Variants in C10orf67 observed in about 807,000 individuals in gnomAD.
The protein encoded by C10orf67 is uncharacterized protein C10orf67, mitochondrial.
A neutral mutation model predicts 35.6 loss-of-function variants in C10orf67; 60 were observed. The ratio of observed to expected loss-of-function variants is 1.68; its 90% CI spans 1.37 to 2.09. The LOEUF is 2.09. C10orf67 is among the 30% of genes most tolerant of loss of function. The probability of loss-of-function intolerance (pLI) is 0.00; values close to 1 mark genes in which losing one functional copy is unlikely to be tolerated. For synonymous variants in C10orf67, 167 were observed against 115.8 expected, an observed-to-expected ratio of 1.44 and a Z score of -2.84; for missense variants, 474 against 330.2, an observed-to-expected ratio of 1.44 and a Z score of -3.38.
chr10:23,344,763 G>A lies in C10orf67; in HGVS notation c.12C>T (p.Val4=). 2 of 1,562,804 alleles carry A rather than the reference G, an allele frequency of 1.3e-6. No homozygotes were observed. Among genetic ancestry groups the A allele is most frequent in the Non-Finnish European group, 8.7e-7 (1 of 1,153,808 alleles). ...TGACATAATGAGCCCTGCGATCCCGGACCAAGGCCATCATAAGAGGAGAGC... is the reference window on the plus strand; with the variant it reads ...TGACATAATGAGCCCTGCGATCCCGAACCAAGGCCATCATAAGAGGAGAGC... The part of the protein sequence containing the change: MAL[V]RDRRAHYVMS... Residue 4 remains valine (V), a synonymous_variant, in exon 1 of 16, where the codon GTC becomes GTT. Coordinates refer to ENST00000636213, the MANE Select transcript of C10orf67 (RefSeq NM_001371909.1).
At chr10:23,299,318 G>T (rs895879422) in intron 5 of C10orf67, among the ~76,000 whole-genome samples, 2 of 152,078 alleles carry the variant, frequency 1.3e-5, no homozygotes, top group South Asian at 2.1e-4. Flanking sequence ...GTCTAAGGGG[G>T]TACTGCCTTT....
At chr10:23,315,757 A>G (rs1309915481) in intron 4 of C10orf67, among the ~76,000 whole-genome samples, 1 of 152,146 alleles carries the variant, frequency 6.6e-6, no homozygotes, top group African/African-American at 2.4e-5. Flanking sequence ...AAAAACCACG[A>G]AATTCTGACT....
chr10:23,235,300 A>G (rs1842020404), intron 13 of C10orf67, among the ~76,000 whole-genome samples: 1 of 152,218 alleles, frequency 6.6e-6, no homozygotes, highest in Non-Finnish European at 1.5e-5. Flanking sequence ...AGAGAATACA[A>G]TCTGCCACAG....
chr10:23,213,198 A>C (rs1315732212), intron 15 of C10orf67, among the ~76,000 whole-genome samples: 5 of 152,228 alleles, frequency 3.3e-5, no homozygotes, highest in Non-Finnish European at 7.3e-5. Context: ...GAATTCACCC[A>C]TATACACAAC....
intron 2 of C10orf67, among the ~76,000 whole-genome samples, chr10:23,323,223 T>C (rs1450535586): frequency 2.6e-5 from 4 of 152,232 alleles, no homozygotes; most frequent in African/African-American, 4.8e-5. Flanking sequence ...AGAATCATCA[T>C]TTGCTGAGAA....
At chr10:23,257,188 AC>A (rs1323010331) in intron 10 of C10orf67, among the ~76,000 whole-genome samples, 1 of 152,154 alleles carries the variant, frequency 6.6e-6, no homozygotes, top group Non-Finnish European at 1.5e-5. Flanking sequence ...CCTGCCCAAG[AC>A]CAACTTCAGA....
intron 15 of C10orf67, among the ~76,000 whole-genome samples, chr10:23,211,200 C>A (rs1841297599): frequency 1.3e-5 from 2 of 152,126 alleles, no homozygotes; most frequent in South Asian, 4.1e-4. Flanking sequence ...CTCCTCCTAG[C>A]TTCAGATCGT....
At chr10:23,339,765 A>C (rs1845814936) in intron 1 of C10orf67, among the ~76,000 whole-genome samples, 1 of 152,210 alleles carries the variant, frequency 6.6e-6, no homozygotes, top group African/African-American at 2.4e-5. Flanking sequence ...GCCTTTCACT[A>C]GTTAAAAATC....
At chr10:23,221,373 G>A (rs750876577) in intron 15 of C10orf67, among the ~76,000 whole-genome samples, 2 of 152,126 alleles carry the variant, frequency 1.3e-5, no homozygotes, top group Admixed American at 6.6e-5. Context: ...AAATGGACGT[G>A]AGATTTGGGT....
rs532461200 is a variant in C10orf67, at chr10:23,297,715, C to A, written c.702+5589G>T. On this transcript the variant is annotated intron_variant, in intron 5 of 15. Transcript: ENST00000636213. ...TTACTTGTTGACAGTTATGTTCTATCTTTTCTTCTTTGTCTGGAAGAAATG... is the reference window on the plus strand; with the variant it reads ...TTACTTGTTGACAGTTATGTTCTATATTTTCTTCTTTGTCTGGAAGAAATG... 1.1e-4 allele frequency among the ~76,000 whole-genome samples: 16 copies of A among 152,348 alleles called. No individual in the cohort carries two copies. The South Asian group carries it at 2.7e-3, about 26-fold the overall frequency.
chr10:23,333,026 A>G (rs778888298), intron 2 of C10orf67, 36 bp downstream of exon 2: 1 of 1,596,474 alleles, frequency 6.3e-7, no homozygotes. Flanking sequence ...AACGCCAAAA[A>G]TTATCTCAGA....
chr10:23,283,189 C>T (rs188599307), intron 7 of C10orf67, among the ~76,000 whole-genome samples: 200 of 152,246 alleles, frequency 1.3e-3, no homozygotes, highest in African/African-American at 4.1e-3. Context: ...AATATATACA[C>T]CTACTAGGTA....
At chr10:23,321,813 G>T (rs890733614) in intron 3 of C10orf67, among the ~76,000 whole-genome samples, 1 of 151,916 alleles carries the variant, frequency 6.6e-6, no homozygotes, top group Non-Finnish European at 1.5e-5. Flanking sequence ...TGAGACGGGG[G>T]TCTCGACTTG....
At chr10:23,342,445 C>T (rs1297157413) in intron 1 of C10orf67, among the ~76,000 whole-genome samples, 2 of 152,186 alleles carry the variant, frequency 1.3e-5, no homozygotes, top group Non-Finnish European at 2.9e-5. Flanking sequence ...CATTCACACC[C>T]AGGCACCAGC....
intron 15 of C10orf67, among the ~76,000 whole-genome samples, chr10:23,222,289 T>A (rs1008350473): frequency 6.6e-6 from 1 of 152,168 alleles, no homozygotes; most frequent in Non-Finnish European, 1.5e-5. Context: ...ATGGTTTTCT[T>A]GGCTAGGGAA....
chr10:23,224,636 A>T (rs953598883), intron 13 of C10orf67, among the ~76,000 whole-genome samples: 1 of 152,174 alleles, frequency 6.6e-6, no homozygotes, highest in African/African-American at 2.4e-5. Flanking sequence ...TTGAAAAAAG[A>T]TGAGACGAAT....
chr10:23,344,172 G>A lies in C10orf67; in HGVS notation c.206+397C>T, dbSNP rs1846041362. On this transcript the variant is annotated intron_variant, in intron 1 of 15. Coordinates refer to ENST00000636213, the MANE Select transcript of C10orf67 (RefSeq NM_001371909.1). Reference sequence around the variant, plus strand: ...GGGGGGTGGGGAACGGGGTGGGGAGGGGAAGGGGGAAGGAGATGGGGAGGA... The same window carrying A: ...GGGGGGTGGGGAACGGGGTGGGGAGAGGAAGGGGGAAGGAGATGGGGAGGA... The A allele has an allele frequency of 5.1e-5, 7 of 138,250 alleles. No individual in the cohort carries two copies. In the Admixed American group the frequency reaches 5.3e-4, roughly 10 times the overall value. The allele number at this position is 138,250 out of a possible 1,614,324, so 8.6% of individuals were successfully genotyped here.
intron 4 of C10orf67, 26 bp downstream of exon 4, chr10:23,320,715 C>T: frequency 6.4e-7 from 1 of 1,553,268 alleles, no homozygotes. Context: ...TTGCCCACAA[C>T]TACGGCACCA....
In C10orf67 at chr10:23,329,797, C is replaced by CAA. The variant is rs398013008; in HGVS notation, c.327+3263_327+3264dup. The stretch of plus-strand genomic sequence containing the variant: ...TGGGCAACAGAACAAGAACTTGTCT[C>CAA]AAAAAAAAAAAAAAAAAAAGAAAAG... On this transcript the variant is annotated intron_variant, in intron 2 of 15. Transcript: ENST00000636213. 3.4e-3 allele frequency among the ~76,000 whole-genome samples: 161 copies of CAA among 48,016 alleles called. 4 individuals carry two copies. The highest frequency in any genetic ancestry group is 0.015 in the South Asian group (16 of 1,082). 31.5% of individuals were successfully genotyped at this position (48,016 alleles called of 152,430 possible). A position where few individuals can be genotyped will look rare whatever the true frequency, so the allele number is the denominator to read the frequency against.
Sources: allele counts gnomAD v4.1 joint callset (sites outside exome capture counted in the v4.1 genomes callset), GRCh38; gene constraint gnomAD v4.1.1; transcripts MANE v1.5; gene names NCBI Gene and HGNC (gene_info 2026-07-23, HGNC 2026-07-21).